Variants in MTMR2 observed in about 807,000 individuals in gnomAD.
MTMR2 encodes myotubularin related protein 2, also known as phosphatidylinositol-3,5-bisphosphate 3-phosphatase MTMR2.
MTMR2 carries 55 observed loss-of-function variants against 86.9 expected under a neutral mutation model. That is an observed-to-expected ratio of 0.63 (90% confidence interval 0.51 to 0.79). The LOEUF is 0.79. Among genes scored for constraint, MTMR2 ranks in the 30% least tolerant of loss-of-function variants. The pLI, the probability that MTMR2 is intolerant of heterozygous loss-of-function variation, is 0.00. For synonymous variants in MTMR2, 241 were observed against 266.8 expected (o/e 0.90, Z 0.94); for missense variants, 659 against 772.3 (o/e 0.85, Z 1.74).
chr11:95,894,376 AATAAAACAC>A (rs1865811953), intron 1 of MTMR2, among the ~76,000 whole-genome samples: 1 of 152,182 alleles, frequency 6.6e-6, no homozygotes, highest in South Asian at 2.1e-4. Context: ...ACCTTCTCAA[AATAAAACAC>A]GTAAAACACT....
At position 95,841,818 on chromosome 11, in the gene MTMR2, G is replaced by A. The variant is rs145538188; in HGVS notation, c.1387-109C>T. 3.1e-3 allele frequency: 2,688 copies of A among 863,934 alleles called. 13 individuals are homozygous for A. Among genetic ancestry groups the A allele is most frequent in the Non-Finnish European group, 3.3e-3 (1,740 of 528,812 alleles). 53.5% of individuals were successfully genotyped at this position (863,934 alleles called of 1,614,324 possible). On this transcript the variant is annotated intron_variant, in intron 11 of 14. Coordinates refer to ENST00000346299, the MANE Select transcript of MTMR2 (RefSeq NM_016156.6). ...CAATAGTCTAAAAATTTTCAAAGTC[G>A]GGTGCTGTGGTTTACACCTGTAATC...
intron 5 of MTMR2, among the ~76,000 whole-genome samples, chr11:95,861,137 G>A (rs1271744): frequency 0.28 from 40,140 of 145,406 alleles, 6,590 homozygotes; most frequent in Non-Finnish European, 0.37. Flanking sequence ...GCAACAGAGC[G>A]AGACTCCGTC....
At chr11:95,877,733 G>A (rs972546854) in intron 2 of MTMR2, among the ~76,000 whole-genome samples, 1 of 152,036 alleles carries the variant, frequency 6.6e-6, no homozygotes, top group Non-Finnish European at 1.5e-5. Flanking sequence ...AGCAGAGATT[G>A]GACTGATGCA....
At chr11:95,923,650 A>T in intron 1 of MTMR2, 2 of 1,407,462 alleles carry the variant, frequency 1.4e-6, no homozygotes, top group East Asian at 5.2e-5. Context: ...AGATCGGAAT[A>T]TGAAAGGTAG....
At chr11:95,847,623 C>A in intron 10 of MTMR2, 91 bp downstream of exon 10, 2 of 1,157,704 alleles carry the variant, frequency 1.7e-6, no homozygotes, top group Non-Finnish European at 2.6e-6. Flanking sequence ...TAGAAAGGTA[C>A]CTTCATGTTG....
chr11:95,865,721 G>C lies in MTMR2; in HGVS notation c.187-45C>G, dbSNP rs201791649. ...AAAAGAAACATTTTTTTATTCAAAG[G>C]CTACTTTTTCACTCATATTTCAACT... On this transcript the variant is annotated intron_variant, in intron 2 of 14. Coordinates refer to ENST00000346299, the MANE Select transcript of MTMR2 (RefSeq NM_016156.6). 2.0e-5 allele frequency: 30 copies of C among 1,522,428 alleles called. No homozygotes were observed. In the East Asian group the frequency reaches 6.3e-4, roughly 32 times the overall value. The allele number at this position is 1,522,428 out of a possible 1,614,324, so 94.3% of individuals were successfully genotyped here. A position where few individuals can be genotyped will look rare whatever the true frequency, so the allele number is the denominator to read the frequency against.
intron 2 of MTMR2, among the ~76,000 whole-genome samples, chr11:95,880,758 T>C (rs1359678697): frequency 6.6e-6 from 1 of 152,102 alleles, no homozygotes; most frequent in Non-Finnish European, 1.5e-5. Flanking sequence ...GTTCATAGAC[T>C]TTCTCAACTT....
chr11:95,898,199 G>A lies in MTMR2; in HGVS notation c.81-9938C>T, dbSNP rs1222868811. Among the ~76,000 whole-genome samples the A allele has an allele frequency of 2.0e-5, 3 of 149,940 alleles. No homozygotes were observed. In the East Asian group the frequency reaches 5.8e-4, roughly 29 times the overall value. On this transcript the variant is annotated intron_variant, in intron 1 of 14. Coordinates refer to ENST00000346299, the MANE Select transcript of MTMR2 (RefSeq NM_016156.6). ...CTTAATCTCTTGGAATCTAGCTTCT[G>A]CCACTATCAAGTGATGCCCTGAAAT...
rs562297288 is a variant in MTMR2 at position 95,863,975 on chromosome 11, C to G, written c.263-1609G>C. On this transcript the variant is annotated intron_variant, in intron 3 of 14. Transcript: ENST00000346299. Reference sequence around the variant, plus strand: ...GTCCAGAAAAGAAAAAAAGAGCAGTCTAGTACGACAACCAGATTTCTGACT... The same window carrying G: ...GTCCAGAAAAGAAAAAAAGAGCAGTGTAGTACGACAACCAGATTTCTGACT... Among the ~76,000 whole-genome samples, 4 of 152,244 alleles carry G rather than the reference C, an allele frequency of 2.6e-5. No homozygotes were observed. In the South Asian group the frequency reaches 8.3e-4, roughly 32 times the overall value.
At position 95,853,144 on chromosome 11, in the gene MTMR2, A is replaced by C. The variant is rs532126687; in HGVS notation, c.655-2395T>G. Among the ~76,000 whole-genome samples, 7 of 149,980 alleles carry C rather than the reference A, an allele frequency of 4.7e-5. No homozygotes were observed. The South Asian group carries it at 1.5e-3, about 31-fold the overall frequency. ...ATATGTATATATCATATATATACTT[A>C]TATATTTTTTTCACATGCTGTACTA... On this transcript the variant is annotated intron_variant, in intron 7 of 14. Transcript: ENST00000346299.
In MTMR2 at chr11:95,924,052, C is replaced by T. The variant is rs1378217629; in HGVS notation, c.-98G>A. 6.8e-7 allele frequency: 1 copy of T among 1,468,298 alleles called. No individual in the cohort carries two copies. The highest frequency in any genetic ancestry group is 1.2e-5 in the South Asian group (1 of 82,320). 91.0% of individuals were successfully genotyped at this position (1,468,298 alleles called of 1,614,324 possible). A position where few individuals can be genotyped will look rare whatever the true frequency, so the allele number is the denominator to read the frequency against. The stretch of plus-strand genomic sequence containing the variant: ...GAGTGCTACGGACCGGGGCCGCAGT[C>T]AGGCCAGCGCCGGCCCGGGAGGGAG... On this transcript the variant is annotated 5_prime_UTR_variant, in exon 1 of 15. It removes the in-frame stop codon of an upstream open reading frame in the 5' UTR. Transcript: ENST00000346299.
chr11:95,857,395 C>T (rs1864250421), intron 7 of MTMR2, among the ~76,000 whole-genome samples, 157 bp downstream of exon 7: 1 of 152,064 alleles, frequency 6.6e-6, no homozygotes, highest in African/African-American at 2.4e-5. Flanking sequence ...GAATGATATA[C>T]TAAAACAGAT....
chr11:95,890,023 T>C (rs577415159), intron 1 of MTMR2, among the ~76,000 whole-genome samples: 33 of 152,322 alleles, frequency 2.2e-4, no homozygotes, highest in African/African-American at 7.5e-4. Context: ...CATTTATTCA[T>C]TACAAACCTG....
chr11:95,851,750 C>T (rs924492576), intron 7 of MTMR2, among the ~76,000 whole-genome samples: 14 of 152,146 alleles, frequency 9.2e-5, no homozygotes, highest in South Asian at 4.1e-4. Flanking sequence ...CGCTTACATA[C>T]GTAAAGTACA....
chr11:95,857,150 G>C (rs185133467), intron 7 of MTMR2, among the ~76,000 whole-genome samples: 1 of 151,998 alleles, frequency 6.6e-6, no homozygotes, highest in African/African-American at 2.4e-5. Context: ...AAAATGCTAC[G>C]TTTGAAATTT....
intron 2 of MTMR2, among the ~76,000 whole-genome samples, chr11:95,879,938 A>G (rs1180569392): frequency 6.6e-6 from 1 of 152,100 alleles, no homozygotes; most frequent in Admixed American, 6.5e-5. Flanking sequence ...CTGTTTAAGT[A>G]TTCATCTTTA....
chr11:95,886,176 A>G (rs955424096), intron 2 of MTMR2, among the ~76,000 whole-genome samples: 1 of 152,164 alleles, frequency 6.6e-6, no homozygotes, highest in African/African-American at 2.4e-5. Flanking sequence ...ATATCTCAAT[A>G]AAGTGTGGAC....
intron 2 of MTMR2, chr11:95,866,326 C>T (rs1591001573): frequency 6.5e-6 from 1 of 153,180 alleles, no homozygotes; most frequent in Non-Finnish European, 1.5e-5. Flanking sequence ...CACACAGACA[C>T]ACCCAAATTG....
intron 12 of MTMR2, 90 bp downstream of exon 12, chr11:95,841,527 G>C: frequency 1.1e-6 from 1 of 898,464 alleles, no homozygotes; most frequent in Non-Finnish European, 1.9e-6. Flanking sequence ...TCCATTTAAT[G>C]ATCTATAGGC....
Sources: allele counts gnomAD v4.1 joint callset (sites outside exome capture counted in the v4.1 genomes callset), GRCh38; gene constraint gnomAD v4.1.1; transcripts MANE v1.5; gene names NCBI Gene and HGNC (gene_info 2026-07-23, HGNC 2026-07-21).